Variants in ERMP1 observed in about 807,000 individuals in gnomAD.
ERMP1 encodes the protein endoplasmic reticulum metallopeptidase 1, also known as Felix-ina.
Under a neutral mutation model 92.0 loss-of-function variants are expected in ERMP1, and 86 were observed. The ratio of observed to expected loss-of-function variants is 0.93; its 90% CI spans 0.79 to 1.12. ERMP1 has a LOEUF of 1.12. Among genes scored for constraint, ERMP1 ranks in the 50% most tolerant of loss-of-function variants. ERMP1 has a pLI of 0.00. For synonymous variants in ERMP1, 530 were observed against 412.8 expected, an observed-to-expected ratio of 1.28 and a Z score of -3.44; for missense variants, 1,342 against 1,116.3, an observed-to-expected ratio of 1.20 and a Z score of -2.88.
At chr9:5,826,631 T>C (rs1829740359) in intron 2 of ERMP1, among the ~76,000 whole-genome samples, 1 of 152,202 alleles carries the variant, frequency 6.6e-6, no homozygotes, top group Non-Finnish European at 1.5e-5. Context: ...TGGTGGTGAT[T>C]ACTGGTTTGT....
At chr9:5,811,833 C>A (rs554470214) in intron 6 of ERMP1, among the ~76,000 whole-genome samples, 2 of 152,336 alleles carry the variant, frequency 1.3e-5, no homozygotes, top group African/African-American at 4.8e-5. Flanking sequence ...CAGAGTTCCA[C>A]AGGAAAACAT....
chr9:5,843,247 C>A (rs181131904), intron 6 of ERMP1, among the ~76,000 whole-genome samples: 1 of 152,148 alleles, frequency 6.6e-6, no homozygotes, highest in African/African-American at 2.4e-5. Context: ...CATAGCTCTG[C>A]GGAATTTGGG....
At chr9:5,822,085 C>G (rs975260008) in intron 4 of ERMP1, among the ~76,000 whole-genome samples, 1 of 151,808 alleles carries the variant, frequency 6.6e-6, no homozygotes, top group Non-Finnish European at 1.5e-5. Context: ...CAAACCCCAT[C>G]TCTACAAAAA....
At position 5,787,058 on chromosome 9, in the gene ERMP1, T is replaced by TA; in HGVS notation, c.*85dup. 1 of 1,310,126 alleles carries TA rather than the reference T, an allele frequency of 7.6e-7. No individual in the cohort carries two copies. The highest frequency in any genetic ancestry group is 1.1e-6 in the Non-Finnish European group (1 of 950,358). 81.2% of individuals were successfully genotyped at this position (1,310,126 alleles called of 1,614,324 possible). On this transcript the variant is annotated 3_prime_UTR_variant, in exon 15 of 15. Coordinates refer to ENST00000339450, the MANE Select transcript of ERMP1 (RefSeq NM_024896.3). ...ATATGATCATTAAAATTCATTGACTTACGTTACAAACATCCACGTAACATA... is the reference window on the plus strand; with the variant it reads ...ATATGATCATTAAAATTCATTGACTTAACGTTACAAACATCCACGTAACATA...
At chr9:5,833,179 A>G (rs1425891089), upstream of ERMP1, 7 of 696,042 alleles carry the variant, frequency 1.0e-5, no homozygotes, top group Admixed American at 2.5e-4. Flanking sequence ...CCGCCGCGCC[A>G]AGACCCAGCT....
intron 5 of ERMP1, among the ~76,000 whole-genome samples, chr9:5,862,784 A>C (rs1350374883): frequency 6.6e-6 from 1 of 152,216 alleles, no homozygotes; most frequent in Non-Finnish European, 1.5e-5. Flanking sequence ...TTCTCATTCC[A>C]AAGGAGTGTC....
At chr9:5,799,386 G>A (rs1221149526) in intron 11 of ERMP1, among the ~76,000 whole-genome samples, 2 of 152,164 alleles carry the variant, frequency 1.3e-5, no homozygotes, top group African/African-American at 4.8e-5. Flanking sequence ...TAATTCATGT[G>A]CAGAGAAAAG....
rs1425389594 is a variant in ERMP1, at chr9:5,797,882, TGAG to T, written c.2318_2320del (p.Pro773del). ...CTGTTCTTTGGATATGAGTCGGAAA[TGAG>T]GAGGATTTCTTGGAGAAACTTCTGG... On this transcript the variant is annotated inframe_deletion, in exon 13 of 15. Transcript: ENST00000339450. The T allele has an allele frequency of 1.9e-6, 3 of 1,613,844 alleles. No individual in the cohort carries two copies. Among genetic ancestry groups the T allele is most frequent in the South Asian group, 2.2e-5 (2 of 91,024 alleles).
rs1277636637 is a variant in ERMP1, at chr9:5,784,917, G to A, written c.*2227C>T. ...TGCATTTGTTAGTGACTTTGTTAGAGCTTGAAAAGACCCTTTTAGAAATTA... is the reference window on the plus strand; with the variant it reads ...TGCATTTGTTAGTGACTTTGTTAGAACTTGAAAAGACCCTTTTAGAAATTA... On this transcript the variant is annotated 3_prime_UTR_variant, in exon 15 of 15. Coordinates refer to ENST00000339450, the MANE Select transcript of ERMP1 (RefSeq NM_024896.3). 6.6e-6 allele frequency: 1 copy of A among 152,232 alleles called. No homozygotes were observed. Among genetic ancestry groups the A allele is most frequent in the Non-Finnish European group, 1.5e-5 (1 of 68,028 alleles). The allele number at this position is 152,232 out of a possible 1,614,324, so 9.4% of individuals were successfully genotyped here. A position where few individuals can be genotyped will look rare whatever the true frequency, so the allele number is the denominator to read the frequency against.
intron 5 of ERMP1, among the ~76,000 whole-genome samples, chr9:5,865,873 A>G (rs1830645116): frequency 6.6e-6 from 1 of 150,940 alleles, no homozygotes; most frequent in African/African-American, 2.4e-5. Context: ...ATATAAGTAA[A>G]TAAATAAATA....
chr9:5,809,283 G>A (rs1828998370), intron 8 of ERMP1, among the ~76,000 whole-genome samples: 1 of 152,174 alleles, frequency 6.6e-6, no homozygotes, highest in South Asian at 2.1e-4. Context: ...GCCTCCCAAA[G>A]TGCTGGGATT....
intron 1 of ERMP1, among the ~76,000 whole-genome samples, chr9:5,832,017 T>C (rs1369713551): frequency 6.6e-6 from 1 of 151,816 alleles, no homozygotes; most frequent in Non-Finnish European, 1.5e-5. Context: ...TAACACTTCA[T>C]GAGCTTTGAC....
chr9:5,815,693 A>G (rs1303848472), intron 4 of ERMP1, among the ~76,000 whole-genome samples: 1 of 152,128 alleles, frequency 6.6e-6, no homozygotes, highest in East Asian at 1.9e-4. Flanking sequence ...ATATTTACCT[A>G]AAGTATCTAT....
At position 5,790,597 on chromosome 9, in the gene ERMP1, G is replaced by A. The variant is rs73390148; in HGVS notation, c.2387-3004C>T. Among the ~76,000 whole-genome samples the A allele has an allele frequency of 3.0e-3, 459 of 152,256 alleles. 2 individuals are homozygous for A. Among genetic ancestry groups the A allele is most frequent in the African/African-American group, 0.01 (435 of 41,534 alleles). ...AAAGGTATGAACAAAGGTATTTCAG[G>A]CAAGTGGAAATTGTTTAAAAGTCCT... On this transcript the variant is annotated intron_variant, in intron 13 of 14. Transcript: ENST00000339450.
At chr9:5,789,750 C>T (rs1828095947) in intron 13 of ERMP1, among the ~76,000 whole-genome samples, 1 of 152,162 alleles carries the variant, frequency 6.6e-6, no homozygotes, top group South Asian at 2.1e-4. Context: ...GTGGCATGAA[C>T]ACAGCCCACT....
At chr9:5,836,709 A>C (rs1013626507), upstream of ERMP1, among the ~76,000 whole-genome samples, 5 of 152,056 alleles carry the variant, frequency 3.3e-5, no homozygotes, top group African/African-American at 1.2e-4. Flanking sequence ...GATCTTTCCA[A>C]CTCTGAAGCT....
At chr9:5,855,434 C>G (rs1194063052) in intron 6 of ERMP1, among the ~76,000 whole-genome samples, 2 of 152,142 alleles carry the variant, frequency 1.3e-5, no homozygotes, top group Non-Finnish European at 2.9e-5. Flanking sequence ...GATTCAACAG[C>G]CTTTGAGGGG....
At chr9:5,866,919 T>C (rs1196884988) in intron 5 of ERMP1, among the ~76,000 whole-genome samples, 1 of 152,142 alleles carries the variant, frequency 6.6e-6, no homozygotes, top group East Asian at 1.9e-4. Context: ...GAATGGGTTG[T>C]TTGAGGCCAG....
At chr9:5,788,632 A>C (rs571179507) in intron 13 of ERMP1, among the ~76,000 whole-genome samples, 2 of 152,342 alleles carry the variant, frequency 1.3e-5, no homozygotes, top group South Asian at 4.1e-4. Flanking sequence ...CAGCACAAAA[A>C]TGAGGAAGAA....
Sources: gnomAD v4.1 joint callset for allele counts (sites outside exome capture counted in the v4.1 genomes callset) on GRCh38, gnomAD v4.1.1 for gene constraint, MANE v1.5 for transcripts, NCBI Gene and HGNC (gene_info 2026-07-23, HGNC 2026-07-21) for gene names.